UNC13D: variants seen among roughly 807,000 people sequenced by gnomAD.
UNC13D encodes protein unc-13 homolog D.
A neutral mutation model predicts 151.7 loss-of-function variants in UNC13D; 115 were observed. The ratio of observed to expected loss-of-function variants is 0.76; its 90% CI spans 0.65 to 0.88. The LOEUF (loss-of-function observed/expected upper bound fraction) is 0.88, where lower values mean the gene tolerates loss of function less well. Ranked by LOEUF, UNC13D falls within the 40% of genes least tolerant of loss-of-function variation. The pLI is 0.00. For missense variants in UNC13D, 1,369 were observed against 1,438.7 expected (o/e 0.95, Z 0.78); for synonymous variants, 588 against 612.2 (o/e 0.96, Z 0.58).
In UNC13D at chr17:75,831,283, C is replaced by G; in HGVS notation, c.2513G>C (p.Ser838Thr). The G allele has an allele frequency of 6.2e-7, 1 of 1,613,972 alleles. No homozygotes were observed. The highest frequency in any genetic ancestry group is 1.3e-5 in the African/African-American group (1 of 75,054). The change falls in exon 26 of 32, where the codon AGC (serine) becomes ACC (threonine). Residue 838 changes from serine (S) to threonine (T), a missense_variant. Ser to Thr is a moderately conservative substitution (Grantham distance 58, BLOSUM62 1). This residue lies in a region of UNC13D where 807 missense variants were observed against 795.5 expected (regional missense o/e 1.01). Coordinates refer to ENST00000207549, the MANE Select transcript of UNC13D (RefSeq NM_199242.3). ...CAGCCTGTTGGAAGCCAGGGATGAGCTGCGCTGGGAGGCGGCCGCCTCCAC... is the reference window on the plus strand; with the variant it reads ...CAGCCTGTTGGAAGCCAGGGATGAGGTGCGCTGGGAGGCGGCCGCCTCCAC... The part of the protein sequence containing the change: ...VLVEAAASQR[S>T]SSLASNRLKI...
At position 75,831,022 on chromosome 17, in the gene UNC13D, C is replaced by A. The variant is rs780296954; in HGVS notation, c.2625+76G>T. The A allele has an allele frequency of 2.6e-6, 4 of 1,548,966 alleles. No individual in the cohort carries two copies. The East Asian group carries it at 6.8e-5, about 26-fold the overall frequency. ...TACTGGGCCCCATAAATTATGTAGC[C>A]GACCCTGGACATAGGTGAGTGCCAA... is the stretch of plus-strand genomic sequence containing the variant. On this transcript the variant is annotated intron_variant, in intron 27 of 31. Coordinates refer to ENST00000207549, the MANE Select transcript of UNC13D (RefSeq NM_199242.3).
At chr17:75,834,798 C>T (rs1242742730) in intron 21 of UNC13D, 82 bp from the exon 22 acceptor site, 22 of 1,606,682 alleles carry the variant, frequency 1.4e-5, no homozygotes, top group South Asian at 6.6e-5. Flanking sequence ...GGAATTTCAG[C>T]GACTTGGGGG....
chr17:75,843,470 A>G lies in UNC13D; in HGVS notation c.153+14T>C, dbSNP rs1273338212. 1.2e-6 allele frequency: 2 copies of G among 1,605,534 alleles called. No individual in the cohort carries two copies. Among genetic ancestry groups the G allele is most frequent in the African/African-American group, 1.3e-5 (1 of 74,768 alleles). On this transcript the variant is annotated intron_variant, in intron 2 of 31. Transcript: ENST00000207549. ...CCTCCCCACCTCTCTGCACCCCAGCACTCTGACTCTTACCTGCTCGGGGGA... is the reference window on the plus strand; with the variant it reads ...CCTCCCCACCTCTCTGCACCCCAGCGCTCTGACTCTTACCTGCTCGGGGGA...
In UNC13D at chr17:75,840,175, C is replaced by G; in HGVS notation, c.858+50G>C. On this transcript the variant is annotated intron_variant, in intron 10 of 31. Coordinates refer to ENST00000207549, the MANE Select transcript of UNC13D (RefSeq NM_199242.3). This position sits in a 1 kb window ranked among gnomAD's most constrained non-coding sequence, Gnocchi z 4.6. ...GGGTGCAGCCAGCCCCGCAACCCAGCAGACCGCCGCAAGAGCTGGGCATGG... is the reference window on the plus strand; with the variant it reads ...GGGTGCAGCCAGCCCCGCAACCCAGGAGACCGCCGCAAGAGCTGGGCATGG... 1 of 1,612,220 alleles carries G rather than the reference C, an allele frequency of 6.2e-7. No individual in the cohort carries two copies. Among genetic ancestry groups the G allele is most frequent in the African/African-American group, 1.3e-5 (1 of 75,048 alleles).
At chr17:75,839,729 G>A in intron 12 of UNC13D, 110 bp downstream of exon 12, 1 of 1,201,414 alleles carries the variant, frequency 8.3e-7, no homozygotes, top group Non-Finnish European at 1.2e-6. Flanking sequence ...ACACATTTTG[G>A]GCCAAAGGGA....
intron 12 of UNC13D, among the ~76,000 whole-genome samples, chr17:75,838,843 A>G (rs1377161300): frequency 2.0e-5 from 3 of 151,854 alleles, no homozygotes; most frequent in Non-Finnish European, 4.4e-5. Context: ...GCACGCGCCT[A>G]TAATCCCAGC....
chr17:75,833,001 G>C lies in UNC13D; in HGVS notation c.2412C>G (p.Tyr804Ter). The change falls in exon 25 of 32, where the codon TAC (tyrosine) becomes TAG (stop). Residue 804 changes from tyrosine (Y) to a stop codon, truncating the protein, a stop_gained. Transcript: ENST00000207549. LOFTEE classifies it high-confidence loss of function. The surrounding 1 kb of genome is among the most constrained non-coding windows in gnomAD (Gnocchi z 4.0). ...LMKFLEVELC[Y>*]MNTNLVQENF... ...TCTCCTGCACCAAGTTGGTGTTCAT[G>C]TAGCAAAGCTCCACCTCCAGGAACT... 3 of 1,602,234 alleles carry C rather than the reference G, an allele frequency of 1.9e-6. No homozygotes were observed. Among genetic ancestry groups the C allele is most frequent in the Non-Finnish European group, 2.6e-6 (3 of 1,175,328 alleles).
chr17:75,836,722 G>A lies in UNC13D; in HGVS notation c.1174-26C>T, dbSNP rs750476111. 1.5e-5 allele frequency: 25 copies of A among 1,613,452 alleles called. 1 individual carries two copies. In the South Asian group the frequency reaches 2.4e-4, roughly 16 times the overall value. On this transcript the variant is annotated intron_variant, in intron 13 of 31. Transcript: ENST00000207549. ...CTGAAGAGCCAGGAGATGCTTTAGG[G>A]GCCTAGACAGCTGCTGCTGCTCCCC...
intron 12 of UNC13D, among the ~76,000 whole-genome samples, chr17:75,838,837 G>A (rs558073988): frequency 7.9e-5 from 12 of 152,272 alleles, no homozygotes; most frequent in Admixed American, 2.6e-4. Context: ...GCGGTGGCAC[G>A]CGCCTATAAT....
intron 12 of UNC13D, among the ~76,000 whole-genome samples, chr17:75,839,446 G>A (rs544991651): frequency 2.4e-4 from 37 of 151,432 alleles, no homozygotes; most frequent in East Asian, 1.9e-4. Flanking sequence ...TGACCCTGCA[G>A]TTCCAGCACT....
Position 75,832,728 on chromosome 17 carries a change from C to A in UNC13D, c.2447+238G>T, listed in dbSNP as rs1217617274. 6.3e-6 allele frequency: 3 copies of A among 478,294 alleles called. No individual in the cohort carries two copies. The South Asian group carries it at 7.1e-5, about 11-fold the overall frequency. 29.6% of individuals were successfully genotyped at this position (478,294 alleles called of 1,614,324 possible). On this transcript the variant is annotated intron_variant, in intron 25 of 31. Coordinates refer to ENST00000207549, the MANE Select transcript of UNC13D (RefSeq NM_199242.3). This position sits in a 1 kb window ranked among gnomAD's most constrained non-coding sequence, Gnocchi z 4.3. ...GCAAGCTCCCCGTCCCTGCAGCGAG[C>A]CTTAGCAGAGCCTGTTGCACCCATA...
rs754205110 is a variant in UNC13D, at chr17:75,839,838, C to T, written c.1055+1G>A. The T allele has an allele frequency of 8.1e-6, 13 of 1,613,594 alleles. No individual in the cohort carries two copies. Among genetic ancestry groups the T allele is most frequent in the South Asian group, 5.5e-5 (5 of 91,080 alleles). On this transcript the variant is annotated splice_donor_variant, in intron 12 of 31. Transcript: ENST00000207549. LOFTEE classifies it high-confidence loss of function. ...GGTTCTGCCCAGGGCTGTGTACTCACGCCATGGACTGGTGGAAGTCGGATA... is the reference window on the plus strand; with the variant it reads ...GGTTCTGCCCAGGGCTGTGTACTCATGCCATGGACTGGTGGAAGTCGGATA...
rs759891490 is a variant in UNC13D at position 75,835,499 on chromosome 17, G to A, written c.1758C>T (p.His586=). The A allele has an allele frequency of 7.5e-6, 12 of 1,609,512 alleles. No homozygotes were observed. The highest frequency in any genetic ancestry group is 1.7e-4 in the Middle Eastern group (1 of 6,056). The change falls in exon 20 of 32, where the codon CAC becomes CAT. Residue 586 remains histidine, a synonymous_variant. Transcript: ENST00000207549. ...AGGGGATGGCCGGCTGGAACCAGCG[G>A]TGGAAATTATCCAGGGCCAGGACTC... is the stretch of plus-strand genomic sequence containing the variant. ...RDGVLALDNF[H]RWFQPAIPSW...
intron 2 of UNC13D, 83 bp downstream of exon 2, chr17:75,843,401 G>A: frequency 6.4e-7 from 1 of 1,570,898 alleles, no homozygotes; most frequent in Non-Finnish European, 8.6e-7. Context: ...ACCGCAAGTT[G>A]CTTGCTGCCA....
intron 6 of UNC13D, 22 bp from the exon 7 acceptor site, chr17:75,841,023 G>C: frequency 6.2e-7 from 1 of 1,613,994 alleles, no homozygotes; most frequent in Non-Finnish European, 8.5e-7. Flanking sequence ...AAAGGGCGTG[G>C]TTGAGGGCCC....
At chr17:75,843,435 A>G in intron 2 of UNC13D, 49 bp downstream of exon 2, 1 of 1,584,318 alleles carries the variant, frequency 6.3e-7, no homozygotes. Context: ...GCAGGAGGAC[A>G]CACAGCCGCC....
chr17:75,838,923 A>AC (rs1188492681), intron 12 of UNC13D, among the ~76,000 whole-genome samples: 2 of 151,688 alleles, frequency 1.3e-5, no homozygotes, highest in East Asian at 1.9e-4. Flanking sequence ...ACACGGTGAA[A>AC]CCCCATCTCT....
In UNC13D at chr17:75,840,211, A is replaced by T. The variant is rs1231677006; in HGVS notation, c.858+14T>A. 6.2e-7 allele frequency: 1 copy of T among 1,613,790 alleles called. No individual in the cohort carries two copies. On this transcript the variant is annotated intron_variant, in intron 10 of 31. Transcript: ENST00000207549. The surrounding 1 kb of genome is among the most constrained non-coding windows in gnomAD (Gnocchi z 4.6). ...AAGAGCTGGGCATGGCCACTGGCCCAGTACCCGACCTACCCGCTTATGGAT... is the reference window on the plus strand; with the variant it reads ...AAGAGCTGGGCATGGCCACTGGCCCTGTACCCGACCTACCCGCTTATGGAT...
Position 75,831,187 on chromosome 17 carries a change from G to A in UNC13D, c.2554-18C>T. 2 of 1,614,130 alleles carry A rather than the reference G, an allele frequency of 1.2e-6. No homozygotes were observed. Among genetic ancestry groups the A allele is most frequent in the South Asian group, 2.2e-5 (2 of 91,088 alleles). On this transcript the variant is annotated intron_variant, in intron 26 of 31. Transcript: ENST00000207549. ...TCCAGGTTCTGGGGGAGATATCAGA[G>A]GTGACCCCAGGCACCCTCCCACCAG...
Sources: gnomAD v4.1 joint callset for allele counts (sites outside exome capture counted in the v4.1 genomes callset) on GRCh38, gnomAD v4.1.1 for gene constraint, gnomAD v4.1.1 regional missense constraint, Gnocchi (gnomAD v3.1) non-coding constraint, MANE v1.5 for transcripts, NCBI Gene and HGNC (gene_info 2026-07-23, HGNC 2026-07-21) for gene names.